Variants in MIB1 observed in about 807,000 individuals in gnomAD.
The protein encoded by MIB1 is MIB E3 ubiquitin protein ligase 1.
MIB1 carries 278 observed loss-of-function variants against 124.5 expected under a neutral mutation model. The ratio of observed to expected loss-of-function variants is 2.23; its 90% confidence interval spans 2.02 to 2.47. The LOEUF (loss-of-function observed/expected upper bound fraction) is 2.47, where lower values mean the gene tolerates loss of function less well. Among genes scored for constraint, MIB1 ranks in the 30% most tolerant of loss-of-function variants. MIB1 has a pLI of 0.00. For missense variants in MIB1, 957 were observed against 1,254.4 expected (o/e 0.76, Z 3.58); for synonymous variants, 446 against 429.4 (o/e 1.04, Z -0.48).
Position 21,759,605 on chromosome 18 carries a change from G to A in MIB1, c.230-6167G>A, listed in dbSNP as rs561879106. On this transcript the variant is annotated intron_variant, in intron 1 of 20. Transcript: ENST00000261537. ...AGGGTATGTCCATGTTGAATTGCGTGGCCGTTGAACATTCATTTTTGGTAT... is the reference window on the plus strand; with the variant it reads ...AGGGTATGTCCATGTTGAATTGCGTAGCCGTTGAACATTCATTTTTGGTAT... Among the ~76,000 whole-genome samples, 17 of 152,186 alleles carry A rather than the reference G, an allele frequency of 1.1e-4. No homozygotes were observed. In the South Asian group the frequency reaches 3.5e-3, roughly 32 times the overall value.
intron 6 of MIB1, among the ~76,000 whole-genome samples, chr18:21,783,180 T>A (rs918396442): frequency 7.9e-5 from 12 of 152,114 alleles, no homozygotes; most frequent in Non-Finnish European, 2.9e-5. Flanking sequence ...AATGAATTTC[T>A]TGTAGGGAGC....
At chr18:21,785,312 G>C (rs1451981301) in intron 6 of MIB1, among the ~76,000 whole-genome samples, 3 of 152,076 alleles carry the variant, frequency 2.0e-5, no homozygotes, top group Non-Finnish European at 4.4e-5. Flanking sequence ...GGTACCCCAA[G>C]CCCAGCTGTC....
At chr18:21,775,012 C>A (rs983896905) in intron 4 of MIB1, among the ~76,000 whole-genome samples, 6 of 151,780 alleles carry the variant, frequency 4.0e-5, no homozygotes, top group African/African-American at 1.5e-4. Flanking sequence ...GTGGCCTGAT[C>A]TTGGCTCACT....
In MIB1 at chr18:21,858,744, G is replaced by A. The variant is rs181602271; in HGVS notation, c.2880+98G>A. ...TCTGTAATAAGTATGGTTTATATTA[G>A]TGTATCACTTGTATTATTTGCATAT... On this transcript the variant is annotated intron_variant, in intron 20 of 20. Coordinates refer to ENST00000261537, the MANE Select transcript of MIB1 (RefSeq NM_020774.4). 2.5e-4 allele frequency: 163 copies of A among 659,224 alleles called. 1 individual carries two copies. The highest frequency in any genetic ancestry group is 7.7e-4 in the Middle Eastern group (3 of 3,872). 40.8% of individuals were successfully genotyped at this position (659,224 alleles called of 1,614,324 possible). A position where few individuals can be genotyped will look rare whatever the true frequency, so the allele number is the denominator to read the frequency against.
upstream of MIB1, among the ~76,000 whole-genome samples, chr18:21,735,966 G>A (rs369595412): frequency 9.8e-5 from 15 of 152,346 alleles, no homozygotes; most frequent in East Asian, 2.7e-3. Context: ...TTACTTAAAC[G>A]TCCCTGTCTG....
At chr18:21,754,571 A>C (rs2085066995) in intron 1 of MIB1, among the ~76,000 whole-genome samples, 2 of 152,134 alleles carry the variant, frequency 1.3e-5, no homozygotes, top group South Asian at 4.1e-4. Context: ...AAGAGCGGTG[A>C]TGTTGGCAAT....
intron 1 of MIB1, among the ~76,000 whole-genome samples, chr18:21,726,736 A>G (rs1598581271): frequency 6.6e-6 from 1 of 152,208 alleles, no homozygotes; most frequent in East Asian, 1.9e-4. Context: ...TCCCTGGAAC[A>G]TTATTAAATG....
chr18:21,856,236 C>CAAAAAAAAAAAAAA (rs5823315), intron 18 of MIB1, among the ~76,000 whole-genome samples: 2 of 122,974 alleles, frequency 1.6e-5, no homozygotes, highest in East Asian at 2.3e-4. Context: ...GACTCCGTCT[C>CAAAAAAAAAAAAAA]AAAAAAAAAA....
At chr18:21,807,149 G>A (rs1448646949) in intron 10 of MIB1, among the ~76,000 whole-genome samples, 11 of 152,096 alleles carry the variant, frequency 7.2e-5, no homozygotes, top group African/African-American at 1.2e-4. Context: ...TATAAATATC[G>A]GCCAAATGCA....
chr18:21,824,332 C>T (rs570692469), intron 12 of MIB1, among the ~76,000 whole-genome samples: 4 of 152,126 alleles, frequency 2.6e-5, no homozygotes, highest in South Asian at 4.1e-4. Flanking sequence ...TTTTCCTTCT[C>T]GAATGTTGTG....
chr18:21,792,363 TC>T (rs1379925770), intron 7 of MIB1, among the ~76,000 whole-genome samples: 2 of 152,052 alleles, frequency 1.3e-5, no homozygotes, highest in African/African-American at 4.8e-5. Context: ...TTACCCCCAC[TC>T]TACTGTAATT....
At position 21,844,095 on chromosome 18, in the gene MIB1, T is replaced by G; in HGVS notation, c.2053T>G (p.Leu685Val). 1 of 1,613,678 alleles carries G rather than the reference T, an allele frequency of 6.2e-7. No homozygotes were observed. Among genetic ancestry groups the G allele is most frequent in the Non-Finnish European group, 8.5e-7 (1 of 1,179,910 alleles). ...ERQHTQIVRLLVRAGAKLDIQ... is the reference protein window; with the variant it reads ...ERQHTQIVRLVVRAGAKLDIQ... ...ATGAGACATCTTTCTCTTTTAGCTTTTGGTCCGTGCAGGTGCCAAGCTTGA... is the reference window on the plus strand; with the variant it reads ...ATGAGACATCTTTCTCTTTTAGCTTGTGGTCCGTGCAGGTGCCAAGCTTGA... Residue 685 changes from leucine to valine, a missense_variant, in exon 15 of 21, where the codon TTG (leucine) becomes GTG (valine). Leu to Val is a conservative substitution (Grantham distance 32, BLOSUM62 1). Coordinates refer to ENST00000261537, the MANE Select transcript of MIB1 (RefSeq NM_020774.4).
chr18:21,746,341 T>G (rs1292305866), intron 1 of MIB1, among the ~76,000 whole-genome samples: 1 of 152,204 alleles, frequency 6.6e-6, no homozygotes, highest in Non-Finnish European at 1.5e-5. Context: ...TCAGCTTTAT[T>G]TTTTCTTTCA....
At chr18:21,773,778 A>C (rs764971057) in intron 4 of MIB1, 50 bp downstream of exon 4, 30 of 1,090,574 alleles carry the variant, frequency 2.8e-5, no homozygotes, top group Non-Finnish European at 4.1e-6. Flanking sequence ...GGATGGGTGA[A>C]TAGCTCTTAC....
chr18:21,725,094 CAAAA>C (rs1218383555), intron 1 of MIB1, among the ~76,000 whole-genome samples: 14 of 44,196 alleles, frequency 3.2e-4, no homozygotes, highest in East Asian at 2.2e-3. Context: ...GACTCTGTCT[CAAAA>C]AAAAAAAAAA....
intron 4 of MIB1, among the ~76,000 whole-genome samples, chr18:21,776,916 G>A (rs1460897498): frequency 2.0e-5 from 3 of 151,962 alleles, no homozygotes; most frequent in Admixed American, 6.6e-5. Context: ...GGTGGAGGTT[G>A]CAGTGAGCCG....
rs376834305 is a variant in MIB1, at chr18:21,842,091, C to CAAAAAA, written c.1963-1018_1963-1013dup. 3.8e-3 allele frequency among the ~76,000 whole-genome samples: 137 copies of CAAAAAA among 35,672 alleles called. 1 individual carries two copies. Among genetic ancestry groups the CAAAAAA allele is most frequent in the African/African-American group, 5.2e-3 (30 of 5,740 alleles). The allele number at this position is 35,672 out of a possible 152,430, so 23.4% of individuals were successfully genotyped here. A position where few individuals can be genotyped will look rare whatever the true frequency, so the allele number is the denominator to read the frequency against. On this transcript the variant is annotated intron_variant, in intron 13 of 20. Coordinates refer to ENST00000261537, the MANE Select transcript of MIB1 (RefSeq NM_020774.4). ...TGGGTGACAGAGTGAGACCCTATCTCAAAAAAAAAAAAAAAAAAAAAAAAA... is the reference window on the plus strand; with the variant it reads ...TGGGTGACAGAGTGAGACCCTATCTCAAAAAAAAAAAAAAAAAAAAAAAAAAAAAAA...
At chr18:21,817,094 G>A (rs905729054) in intron 11 of MIB1, among the ~76,000 whole-genome samples, 2 of 150,838 alleles carry the variant, frequency 1.3e-5, no homozygotes, top group African/African-American at 2.4e-5. Context: ...TTTTAGTGCC[G>A]CCAGATACAG....
intron 13 of MIB1, among the ~76,000 whole-genome samples, chr18:21,840,072 G>T (rs1449702955): frequency 6.6e-6 from 1 of 151,968 alleles, no homozygotes; most frequent in Non-Finnish European, 1.5e-5. Context: ...TCACTCAATA[G>T]AATTGTTTTT....
Sources: gnomAD v4.1 joint callset for allele counts (sites outside exome capture counted in the v4.1 genomes callset) on GRCh38, gnomAD v4.1.1 for gene constraint, MANE v1.5 for transcripts, NCBI Gene and HGNC (gene_info 2026-07-23, HGNC 2026-07-21) for gene names.